Variants in MBD6 observed in about 807,000 individuals in gnomAD.
MBD6 encodes methyl-CpG binding domain protein 6.
MBD6 carries 22 observed loss-of-function variants against 66.8 expected under a neutral mutation model. The observed-to-expected ratio is 0.33, with a 90% CI of 0.24 to 0.47. The LOEUF (loss-of-function observed/expected upper bound fraction) is 0.47. MBD6 is among the 20% of genes least tolerant of loss of function. MBD6 has a pLI of 1.00. For synonymous variants in MBD6, 540 were observed against 534.6 expected (o/e 1.01, Z -0.14); for missense variants, 1,322 against 1,286.9 (o/e 1.03, Z -0.42).
chr12:57,524,660 G>A, intron 3 of MBD6, 60 bp from the exon 4 acceptor site: 2 of 1,456,926 alleles, frequency 1.4e-6, no homozygotes, highest in Non-Finnish European at 1.9e-6. Flanking sequence ...CTGTGCTTTA[G>A]GAGTATTGCC....
Position 57,525,999 on chromosome 12 carries a change from G to A in MBD6, c.1031G>A (p.Arg344Gln), listed in dbSNP as rs371668485. ...CCCCCTCCCAGCACTTTACAGGGCCGAAGGCCCCGTGCCCAGGCACCCTCA... is the reference window on the plus strand; with the variant it reads ...CCCCCTCCCAGCACTTTACAGGGCCAAAGGCCCCGTGCCCAGGCACCCTCA... ...PLPPPSTLQGRRPRAQAPSAS... is the reference protein window; with the variant it reads ...PLPPPSTLQGQRPRAQAPSAS... Residue 344 changes from arginine to glutamine, a missense_variant, in exon 6 of 13, where the codon CGA becomes CAA. Coordinates refer to ENST00000355673, the MANE Select transcript of MBD6 (RefSeq NM_052897.4). 38 of 1,612,518 alleles carry A rather than the reference G, an allele frequency of 2.4e-5. No individual in the cohort carries two copies. The highest frequency in any genetic ancestry group is 2.3e-4 in the African/African-American group (17 of 74,334).
rs1159684370 is a variant in MBD6, at chr12:57,528,963, A to G, written c.2891A>G (p.Asn964Ser). 6.2e-7 allele frequency: 1 copy of G among 1,614,126 alleles called. No homozygotes were observed. The highest frequency in any genetic ancestry group is 8.5e-7 in the Non-Finnish European group (1 of 1,180,026). ...RRKYNPTRNS[N>S]SSRQDITLEP... ...TATTGCAGCCCTACCCGGAACAGCA[A>G]TAGCTCCCGCCAGGACATTACCTTG... The change falls in exon 12 of 13, where the codon AAT becomes AGT. Residue 964 changes from asparagine to serine, a missense_variant. By Grantham distance (46) the Asn-to-Ser change is conservative. Transcript: ENST00000355673.
Position 57,527,970 on chromosome 12 carries a change from C to T in MBD6, c.2359C>T (p.Leu787Phe). The change falls in exon 9 of 13, where the codon CTC becomes TTC. Residue 787 changes from leucine (L) to phenylalanine (F), a missense_variant. Coordinates refer to ENST00000355673, the MANE Select transcript of MBD6 (RefSeq NM_052897.4). ...LLPGGGAPPP[L>F]SEASSPLACL... ...CCCTGGGGGGGGAGCTCCTCCACCC[C>T]TCTCAGAGGCTTCTAGTCCCCTAGC... The T allele has an allele frequency of 1.3e-6, 2 of 1,576,564 alleles. No homozygotes were observed. Among genetic ancestry groups the T allele is most frequent in the Non-Finnish European group, 1.7e-6 (2 of 1,165,090 alleles).
At chr12:57,530,630 G>A (rs928254379), downstream of MBD6, 8 of 1,395,688 alleles carry the variant, frequency 5.7e-6, no homozygotes, top group Non-Finnish European at 8.1e-6. Flanking sequence ...CCCTATGTAA[G>A]CTGTTAACAG....
At position 57,525,818 on chromosome 12, in the gene MBD6, C is replaced by A; in HGVS notation, c.850C>A (p.Pro284Thr). 1 of 1,594,278 alleles carries A rather than the reference C, an allele frequency of 6.3e-7. No homozygotes were observed. The highest frequency in any genetic ancestry group is 8.5e-7 in the Non-Finnish European group (1 of 1,170,144). Residue 284 changes from proline (P) to threonine (T), a missense_variant, in exon 6 of 13, where the codon CCT becomes ACT. Transcript: ENST00000355673. ...PSNNLPAHPG[P>T]ASQPPVSSAT... ...CAATAATCTCCCCGCCCACCCTGGTCCTGCCTCTCAGCCACCAGTGTCTTC... is the reference window on the plus strand; with the variant it reads ...CAATAATCTCCCCGCCCACCCTGGTACTGCCTCTCAGCCACCAGTGTCTTC...
In MBD6 at chr12:57,529,730, C is replaced by G. The variant is rs187864696; in HGVS notation, c.*496C>G. Reference sequence around the variant, plus strand: ...CCTTACCCCTCCAACACCCCTCTGCCTCTGGCTCAGGTTGCTCAAAGCACA... The same window carrying G: ...CCTTACCCCTCCAACACCCCTCTGCGTCTGGCTCAGGTTGCTCAAAGCACA... On this transcript the variant is annotated 3_prime_UTR_variant, in exon 13 of 13. Transcript: ENST00000355673. The G allele has an allele frequency of 6.3e-6, 1 of 158,934 alleles. No individual in the cohort carries two copies. Among genetic ancestry groups the G allele is most frequent in the Admixed American group, 6.0e-5 (1 of 16,770 alleles). 9.8% of individuals were successfully genotyped at this position (158,934 alleles called of 1,614,324 possible). A position where few individuals can be genotyped will look rare whatever the true frequency, so the allele number is the denominator to read the frequency against.
In MBD6 at chr12:57,529,854, T is replaced by C. The variant is rs1427050130; in HGVS notation, c.*620T>C. ...TTCCTCTGGGATATAAAAAAGGGGG[T>C]AAGGGGGCAAAGAGAGCCCTCTGGG... On this transcript the variant is annotated 3_prime_UTR_variant, in exon 13 of 13. Transcript: ENST00000355673. The C allele has an allele frequency of 6.5e-6, 1 of 153,718 alleles. No homozygotes were observed. Among genetic ancestry groups the C allele is most frequent in the Non-Finnish European group, 1.5e-5 (1 of 68,950 alleles). The allele number at this position is 153,718 out of a possible 1,614,324, so 9.5% of individuals were successfully genotyped here.
At chr12:57,521,355 C>G (rs1878325932), upstream of MBD6, 1 of 152,406 alleles carries the variant, frequency 6.6e-6, no homozygotes, top group South Asian at 2.0e-4. Flanking sequence ...CCCAGCTACT[C>G]TGGAGGCAGA....
chr12:57,531,500 G>A (rs1555173067), downstream of MBD6, among the ~76,000 whole-genome samples: 2 of 152,202 alleles, frequency 1.3e-5, no homozygotes, highest in Non-Finnish European at 2.9e-5. Flanking sequence ...CTGGGCAACA[G>A]AGCGAGACTC....
rs1436656599 is a variant in MBD6, at chr12:57,528,226, C to T, written c.2486C>T (p.Pro829Leu). Residue 829 changes from proline to leucine, a missense_variant, in exon 10 of 13, where the codon CCT (proline) becomes CTT (leucine). Coordinates refer to ENST00000355673, the MANE Select transcript of MBD6 (RefSeq NM_052897.4). ...ASALEPEPARPPLSALAPPHG... is the reference protein window; with the variant it reads ...ASALEPEPARLPLSALAPPHG... ...GCCCTCGAACCAGAGCCTGCCAGGC[C>T]TCCCCTCAGTGCCTTAGCCCCACCC... The T allele has an allele frequency of 6.2e-7, 1 of 1,609,436 alleles. No homozygotes were observed. The highest frequency in any genetic ancestry group is 8.5e-7 in the Non-Finnish European group (1 of 1,177,960).
chr12:57,527,162 C>CCTG lies in MBD6; in HGVS notation c.2017_2018insCTG (p.Leu673delinsProVal). 6.7e-7 allele frequency: 1 copy of CCTG among 1,498,510 alleles called. No homozygotes were observed. The highest frequency in any genetic ancestry group is 1.3e-5 in the South Asian group (1 of 77,556). The allele number at this position is 1,498,510 out of a possible 1,614,324, so 92.8% of individuals were successfully genotyped here. A position where few individuals can be genotyped will look rare whatever the true frequency, so the allele number is the denominator to read the frequency against. On this transcript the variant is annotated protein_altering_variant, in exon 7 of 13. Coordinates refer to ENST00000355673, the MANE Select transcript of MBD6 (RefSeq NM_052897.4). ...CCCCCCACTTTCAGCCCCCCCTACCCTCATAGCTTTAAATTCTGCGCTGCT... is the reference window on the plus strand; with the variant it reads ...CCCCCCACTTTCAGCCCCCCCTACCCCTGTCATAGCTTTAAATTCTGCGCTGCT...
intron 11 of MBD6, 75 bp from the exon 12 acceptor site, chr12:57,528,871 A>G (rs965054783): frequency 3.0e-5 from 48 of 1,610,454 alleles, no homozygotes; most frequent in Non-Finnish European, 4.1e-5. Flanking sequence ...AAATGTAGAA[A>G]GTTTCCCACC....
chr12:57,530,890 C>T, downstream of MBD6: 1 of 910,512 alleles, frequency 1.1e-6, no homozygotes, highest in South Asian at 1.5e-5. Flanking sequence ...ATTTGTGGGC[C>T]ACAGAGGGGG....
In MBD6 at chr12:57,524,757, C is replaced by T. The variant is rs1438342608; in HGVS notation, c.151C>T (p.Arg51Trp). ...GTELSSLEQT[R>W]SYLLSDGTCK... ...AGAGCTGTCTTCCTTGGAGCAAACCCGGAGCTACCTCCTCAGCGATGGGAC... is the reference window on the plus strand; with the variant it reads ...AGAGCTGTCTTCCTTGGAGCAAACCTGGAGCTACCTCCTCAGCGATGGGAC... The change falls in exon 4 of 13, where the codon CGG (arginine) becomes TGG (tryptophan). Residue 51 changes from arginine (R) to tryptophan (W), a missense_variant. Arg to Trp is a moderately radical substitution (Grantham distance 101, BLOSUM62 -3). Coordinates refer to ENST00000355673, the MANE Select transcript of MBD6 (RefSeq NM_052897.4). 13 of 1,614,114 alleles carry T rather than the reference C, an allele frequency of 8.1e-6. No individual in the cohort carries two copies. Among genetic ancestry groups the T allele is most frequent in the African/African-American group, 1.3e-5 (1 of 74,934 alleles).
downstream of MBD6, chr12:57,530,613 GGGGAAACC>G: frequency 2.3e-6 from 3 of 1,302,322 alleles, no homozygotes; most frequent in Non-Finnish European, 3.3e-6. Flanking sequence ...TTATAGTAAA[GGGGAAACC>G]CTATGTAAGC....
At position 57,529,470 on chromosome 12, in the gene MBD6, T is replaced by TG. The variant is rs1179742210; in HGVS notation, c.*243dup. 8.3e-5 allele frequency: 40 copies of TG among 481,140 alleles called. No homozygotes were observed. The highest frequency in any genetic ancestry group is 1.2e-3 in the Middle Eastern group (2 of 1,676). The allele number at this position is 481,140 out of a possible 1,614,324, so 29.8% of individuals were successfully genotyped here. On this transcript the variant is annotated 3_prime_UTR_variant, in exon 13 of 13. Transcript: ENST00000355673. ...CCGAAGCCATGTCACTGAAAAGGCC[T>TG]GGGGGGGATGGTATATGGCCCTTTC...
chr12:57,521,722 CCT>C (rs1295394343), upstream of MBD6: 3 of 152,294 alleles, frequency 2.0e-5, no homozygotes, highest in Admixed American at 6.5e-5. Flanking sequence ...TCTCCAAGAC[CCT>C]CTCTTGCTGT....
At position 57,529,378 on chromosome 12, in the gene MBD6, A is replaced by G; in HGVS notation, c.*144A>G. The G allele has an allele frequency of 3.0e-6, 2 of 671,152 alleles. No homozygotes were observed. Among genetic ancestry groups the G allele is most frequent in the Non-Finnish European group, 5.0e-6 (2 of 399,618 alleles). The allele number at this position is 671,152 out of a possible 1,614,324, so 41.6% of individuals were successfully genotyped here. A position where few individuals can be genotyped will look rare whatever the true frequency, so the allele number is the denominator to read the frequency against. ...GAGCACAAATGCAACTCCTTCCCCTACAATCCCATCCTGAGCCATTGCAGG... is the reference window on the plus strand; with the variant it reads ...GAGCACAAATGCAACTCCTTCCCCTGCAATCCCATCCTGAGCCATTGCAGG... On this transcript the variant is annotated 3_prime_UTR_variant, in exon 13 of 13. Coordinates refer to ENST00000355673, the MANE Select transcript of MBD6 (RefSeq NM_052897.4).
rs758238626 is a variant in MBD6, at chr12:57,527,829, G to A, written c.2237-19G>A. 1 of 1,611,814 alleles carries A rather than the reference G, an allele frequency of 6.2e-7. No homozygotes were observed. Among genetic ancestry groups the A allele is most frequent in the Non-Finnish European group, 8.5e-7 (1 of 1,179,488 alleles). ...TTGGTTTGCCTAGGGAGAGACCCCTGACTATAATTTCTCAACAGGTGACCT... is the reference window on the plus strand; with the variant it reads ...TTGGTTTGCCTAGGGAGAGACCCCTAACTATAATTTCTCAACAGGTGACCT... On this transcript the variant is annotated intron_variant, in intron 8 of 12. Transcript: ENST00000355673.
Sources: gnomAD v4.1 joint callset for allele counts (sites outside exome capture counted in the v4.1 genomes callset) on GRCh38, gnomAD v4.1.1 for gene constraint, MANE v1.5 for transcripts, NCBI Gene and HGNC (gene_info 2026-07-23, HGNC 2026-07-21) for gene names.